Variants in OC90 observed in about 807,000 individuals in gnomAD.
OC90 encodes otoconin 90, also known as otoconin-90.
In OC90, 46 loss-of-function variants were observed where a neutral mutation model predicts 47.3. The observed-to-expected ratio is 0.97, with a 90% CI of 0.77 to 1.24. The LOEUF is 1.24. OC90 is among the 50% of genes most tolerant of loss of function. The pLI is 0.00. For synonymous variants in OC90, 271 were observed against 219.5 expected (o/e 1.23, Z -2.07); for missense variants, 688 against 583.9 (o/e 1.18, Z -1.84).
intron 13 of OC90, among the ~76,000 whole-genome samples, chr8:132,028,563 A>AAAGAAAGAAGGAAAGAAAGG: frequency 3.2e-5 from 1 of 31,390 alleles, no homozygotes; most frequent in East Asian, 9.3e-4. Flanking sequence ...AGAAAGAAAG[A>AAAGAAAGAAGGAAAGAAAGG]AAGGAAGGAA....
Position 132,055,051 on chromosome 8 carries a change from T to C in OC90, c.-25A>G, listed in dbSNP as rs559426276. 6.5e-7 allele frequency: 1 copy of C among 1,548,676 alleles called. No homozygotes were observed. Among genetic ancestry groups the C allele is most frequent in the Admixed American group, 2.0e-5 (1 of 50,704 alleles). On this transcript the variant is annotated 5_prime_UTR_variant, in exon 2 of 14. Coordinates refer to ENST00000254627, the MANE Select transcript of OC90 (RefSeq NM_001080399.3). ...TAGCAGGAGAACAAAGGATGGGGCT[T>C]AGGCAGCAACTGGAACGGACTCCTG...
rs527875192 is a variant in OC90 at position 132,044,148 on chromosome 8, G to A, written c.169+285C>T. On this transcript the variant is annotated intron_variant, in intron 4 of 13. Transcript: ENST00000254627. ...TTGGGCAAGTCACTCAACTCCCTTC[G>A]GTTGAGTTTCCTTTTCTATAAAATG... Among the ~76,000 whole-genome samples, 41 of 152,274 alleles carry A rather than the reference G, an allele frequency of 2.7e-4. No homozygotes were observed. In the South Asian group the frequency reaches 7.3e-3, roughly 27 times the overall value.
chr8:132,025,377 G>T (rs150562902), intron 13 of OC90, among the ~76,000 whole-genome samples: 2 of 152,252 alleles, frequency 1.3e-5, no homozygotes, highest in East Asian at 3.9e-4. Context: ...TTTCCTCTGG[G>T]GACATGTCCA....
chr8:132,054,888 A>G, intron 2 of OC90, 93 bp downstream of exon 2: 1 of 729,754 alleles, frequency 1.4e-6, no homozygotes, highest in Non-Finnish European at 2.2e-6. Context: ...ACACGTGGGA[A>G]AGATGGTGGG....
At position 132,024,367 on chromosome 8, in the gene OC90, C is replaced by A; in HGVS notation, c.*114G>T. ...CACGGCCTCTGTTCCCTCCCCGCCTCTGAGTTAAAGGAAGGGAAGAAGGCT... is the reference window on the plus strand; with the variant it reads ...CACGGCCTCTGTTCCCTCCCCGCCTATGAGTTAAAGGAAGGGAAGAAGGCT... On this transcript the variant is annotated 3_prime_UTR_variant, in exon 14 of 14. Coordinates refer to ENST00000254627, the MANE Select transcript of OC90 (RefSeq NM_001080399.3). 1.1e-6 allele frequency: 1 copy of A among 871,200 alleles called. No homozygotes were observed. The highest frequency in any genetic ancestry group is 2.6e-5 in the East Asian group (1 of 37,818). 54.0% of individuals were successfully genotyped at this position (871,200 alleles called of 1,614,324 possible). A position where few individuals can be genotyped will look rare whatever the true frequency, so the allele number is the denominator to read the frequency against.
At position 132,045,839 on chromosome 8, in the gene OC90, G is replaced by A. The variant is rs1468867996; in HGVS notation, c.91C>T (p.Pro31Ser). 32 of 1,545,654 alleles carry A rather than the reference G, an allele frequency of 2.1e-5. No homozygotes were observed. Among genetic ancestry groups the A allele is most frequent in the Non-Finnish European group, 2.8e-5 (32 of 1,141,598 alleles). Residue 31 changes from proline to serine, a missense_variant, in exon 3 of 14, where the codon CCA becomes TCA. Transcript: ENST00000254627. Reference protein sequence around the residue: ...DTPHLPQELPPGLPNNINITF... With the variant: ...DTPHLPQELPSGLPNNINITF... The stretch of plus-strand genomic sequence containing the variant: ...TTACTGATATTGTTTGGGAGTCCTG[G>A]AGGCAGCTCCTGTGGAAGATGTGGA...
At chr8:132,028,330 C>A (rs914537152) in intron 13 of OC90, among the ~76,000 whole-genome samples, 5 of 151,710 alleles carry the variant, frequency 3.3e-5, no homozygotes, top group Admixed American at 6.6e-5. Flanking sequence ...GGTGAAACCC[C>A]GTCTCTACTA....
At chr8:132,029,311 G>A in intron 12 of OC90, 132 bp from the exon 13 acceptor site, 1 of 695,706 alleles carries the variant, frequency 1.4e-6, no homozygotes. Flanking sequence ...GTGCACACAG[G>A]GCTGACTCAT....
intron 10 of OC90, among the ~76,000 whole-genome samples, chr8:132,033,485 T>C (rs1822907643): frequency 6.6e-6 from 1 of 152,194 alleles, no homozygotes; most frequent in East Asian, 1.9e-4. Flanking sequence ...AGGGGCATTA[T>C]GGCGCTCACA....
chr8:132,031,900 G>C lies in OC90; in HGVS notation c.1012C>G (p.Pro338Ala). The part of the protein sequence containing the change: ...CYCGQEGRGE[P>A]RDDLDRCCLS... ...CCATACCTGTCTAGGTCATCCCTTG[G>C]CTCGCCTCTTCCTTCTTGTCCACAG... is the stretch of plus-strand genomic sequence containing the variant. Residue 338 changes from proline (P) to alanine (A), a missense_variant, in exon 12 of 14, where the codon CCA (proline) becomes GCA (alanine). Coordinates refer to ENST00000254627, the MANE Select transcript of OC90 (RefSeq NM_001080399.3). 6.2e-7 allele frequency: 1 copy of C among 1,613,872 alleles called. No individual in the cohort carries two copies. Among genetic ancestry groups the C allele is most frequent in the Non-Finnish European group, 8.5e-7 (1 of 1,179,806 alleles).
intron 5 of OC90, 101 bp downstream of exon 5, chr8:132,041,424 A>G: frequency 9.2e-7 from 1 of 1,085,400 alleles, no homozygotes; most frequent in Non-Finnish European, 1.3e-6. Context: ...CTGAGTCCCA[A>G]GTCCAGGGGC....
chr8:132,037,958 A>G (rs1202125537), intron 8 of OC90, among the ~76,000 whole-genome samples: 1 of 152,140 alleles, frequency 6.6e-6, no homozygotes, highest in Admixed American at 6.5e-5. Context: ...CCATGCACAC[A>G]TCCATACACA....
chr8:132,045,233 G>C (rs189093982), intron 3 of OC90, among the ~76,000 whole-genome samples: 5 of 152,278 alleles, frequency 3.3e-5, no homozygotes, highest in Non-Finnish European at 5.9e-5. Flanking sequence ...ATGGACTCAC[G>C]CATGAATAAT....
intron 2 of OC90, among the ~76,000 whole-genome samples, chr8:132,050,318 G>A (rs1823195190): frequency 6.6e-6 from 1 of 152,196 alleles, no homozygotes; most frequent in African/African-American, 2.4e-5. Context: ...AGTAGGCACA[G>A]TGACGGTGGA....
chr8:132,047,607 C>G (rs1232208045), intron 2 of OC90, among the ~76,000 whole-genome samples: 2 of 150,654 alleles, frequency 1.3e-5, no homozygotes, highest in Non-Finnish European at 2.9e-5. Context: ...ATTGAAAAGA[C>G]TATTTTAAAT....
chr8:132,037,033 A>G (rs1822978512), intron 9 of OC90, among the ~76,000 whole-genome samples: 1 of 152,220 alleles, frequency 6.6e-6, no homozygotes, highest in Admixed American at 6.5e-5. Context: ...TTAGTGAATG[A>G]TAGACTAGCT....
At chr8:132,036,370 C>G in intron 9 of OC90, 1 of 780,848 alleles carries the variant, frequency 1.3e-6, no homozygotes, top group Non-Finnish European at 2.4e-6. Context: ...CCTCTGCTTA[C>G]TTTTCTTGGA....
rs188036201 is a variant in OC90 at position 132,048,561 on chromosome 8, A to G, written c.47-2678T>C. Among the ~76,000 whole-genome samples, 162 of 151,486 alleles carry G rather than the reference A, an allele frequency of 1.1e-3. 1 individual carries two copies. The highest frequency in any genetic ancestry group is 3.5e-3 in the South Asian group (17 of 4,812). ...AAAACCCTTGTCCTCTAATGACTCT[A>G]TGCAACTTTTACCAAAACCCCCTAC... is the stretch of plus-strand genomic sequence containing the variant. On this transcript the variant is annotated intron_variant, in intron 2 of 13. Coordinates refer to ENST00000254627, the MANE Select transcript of OC90 (RefSeq NM_001080399.3).
At chr8:132,038,700 G>T in intron 8 of OC90, 90 bp downstream of exon 8, 2 of 994,288 alleles carry the variant, frequency 2.0e-6, no homozygotes, top group South Asian at 1.3e-5. Context: ...GCTCCAGTGA[G>T]GCAGGCCTGG....
Sources: allele counts gnomAD v4.1 joint callset (sites outside exome capture counted in the v4.1 genomes callset), GRCh38; gene constraint gnomAD v4.1.1; transcripts MANE v1.5; gene names NCBI Gene and HGNC (gene_info 2026-07-23, HGNC 2026-07-21).